TENT5D: variants seen among roughly 807,000 people sequenced by gnomAD.
The protein encoded by TENT5D is terminal nucleotidyltransferase 5D.
For synonymous variants in TENT5D, 103 were observed against 100.6 expected (o/e 1.02, Z -0.15); for missense variants, 191 against 287.0 (o/e 0.67, Z 2.42).
At chrX:80,422,620 G>T (rs1236099985) in intron 1 of TENT5D, among the ~76,000 whole-genome samples, 1 of 111,672 alleles carries the variant, frequency 9.0e-6, no homozygotes, top group Non-Finnish European at 1.9e-5. Context: ...GCAGCAGTTG[G>T]TGAGGTAAGT....
chrX:80,418,942 CT>C (rs1408431336), upstream of TENT5D, among the ~76,000 whole-genome samples: 2 of 111,473 alleles, frequency 1.8e-5, no homozygotes, highest in East Asian at 5.6e-4. Context: ...CCTCCACCCC[CT>C]ACCTAGCTAG....
intron 2 of TENT5D, among the ~76,000 whole-genome samples, chrX:80,338,241 G>A (rs1394789496): frequency 2.7e-5 from 3 of 111,614 alleles, no homozygotes; most frequent in Non-Finnish European, 5.6e-5. Context: ...GGCTACAATA[G>A]TAGAGACAAT....
intron 3 of TENT5D, among the ~76,000 whole-genome samples, chrX:80,347,639 G>T (rs946360851): frequency 2.7e-5 from 3 of 112,110 alleles, no homozygotes; most frequent in Non-Finnish European, 3.8e-5. Context: ...TCACACAGAT[G>T]ATAGTTTCTT....
chrX:80,397,726 A>C (rs1931307893), intron 3 of TENT5D, among the ~76,000 whole-genome samples: 1 of 112,843 alleles, frequency 8.9e-6, no homozygotes, highest in African/African-American at 3.2e-5. Context: ...TAGGAGCTGG[A>C]GACCATCCCA....
intron 3 of TENT5D, among the ~76,000 whole-genome samples, chrX:80,399,364 G>C (rs1403484716): frequency 8.9e-6 from 1 of 111,818 alleles, no homozygotes; most frequent in Admixed American, 9.5e-5. Context: ...TATTGGAGGG[G>C]TTGTCATTTT....
chrX:80,437,434 G>A (rs1932203024), intron 1 of TENT5D, among the ~76,000 whole-genome samples: 1 of 111,651 alleles, frequency 9.0e-6, no homozygotes, highest in South Asian at 3.7e-4. Flanking sequence ...TGAAAACAAT[G>A]CAAGACACTT....
At chrX:80,376,528 G>A (rs1299430838) in intron 3 of TENT5D, among the ~76,000 whole-genome samples, 1 of 111,179 alleles carries the variant, frequency 9.0e-6, no homozygotes, top group Non-Finnish European at 1.9e-5. Flanking sequence ...TGTGCAATAA[G>A]CATATGTGTT....
At chrX:80,371,401 CA>C (rs1445312677) in intron 3 of TENT5D, among the ~76,000 whole-genome samples, 1 of 111,709 alleles carries the variant, frequency 9.0e-6, no homozygotes, top group Non-Finnish European at 1.9e-5. Flanking sequence ...TCACCAGCTG[CA>C]TTATCCCCTA....
chrX:80,380,546 A>G (rs1208296197), intron 3 of TENT5D, among the ~76,000 whole-genome samples: 2 of 110,664 alleles, frequency 1.8e-5, no homozygotes, highest in Non-Finnish European at 3.8e-5. Flanking sequence ...TCTGTCTAAT[A>G]TTGACAGTGG....
At chrX:80,394,770 T>A (rs761634759) in intron 3 of TENT5D, among the ~76,000 whole-genome samples, 1 of 111,690 alleles carries the variant, frequency 9.0e-6, no homozygotes, top group South Asian at 3.8e-4. Context: ...GTTTGTAGGT[T>A]ACAGTGTGAG....
chrX:80,353,101 A>G (rs1032521190), intron 3 of TENT5D, among the ~76,000 whole-genome samples: 16 of 112,183 alleles, frequency 1.4e-4, no homozygotes, highest in Non-Finnish European at 2.3e-4. Context: ...GAAGCTGCAG[A>G]CTGGAGCTGT....
At chrX:80,441,915 A>G (rs1475854774) in intron 2 of TENT5D, among the ~76,000 whole-genome samples, 3 of 111,001 alleles carry the variant, frequency 2.7e-5, no homozygotes, top group Non-Finnish European at 5.7e-5. Flanking sequence ...AGAAGAGGTG[A>G]TAAATTAGGT....
intron 3 of TENT5D, among the ~76,000 whole-genome samples, chrX:80,350,696 G>A (rs1387490199): frequency 1.8e-5 from 2 of 111,536 alleles, no homozygotes; most frequent in Non-Finnish European, 3.8e-5. Flanking sequence ...TCATCATGAT[G>A]CTAGCTGATT....
At chrX:80,430,358 G>A (rs185809082) in intron 1 of TENT5D, among the ~76,000 whole-genome samples, 2 of 111,338 alleles carry the variant, frequency 1.8e-5, no homozygotes, top group African/African-American at 3.3e-5. Context: ...TACAGCCAGA[G>A]GAGCCGATGA....
At chrX:80,398,618 C>T (rs185603883) in intron 3 of TENT5D, among the ~76,000 whole-genome samples, 41 of 110,334 alleles carry the variant, frequency 3.7e-4, no homozygotes, top group Admixed American at 1.5e-3. Context: ...GTTTCATCCT[C>T]GTGTATATGG....
chrX:80,347,474 G>T (rs1256849870), intron 3 of TENT5D, among the ~76,000 whole-genome samples: 4 of 111,472 alleles, frequency 3.6e-5, no homozygotes, highest in Non-Finnish European at 5.7e-5. Context: ...TAAATGTCTT[G>T]AGAAATGTCT....
intron 2 of TENT5D, among the ~76,000 whole-genome samples, chrX:80,439,925 CAGTT>C (rs1346248617): frequency 9.1e-6 from 1 of 110,140 alleles, no homozygotes; most frequent in African/African-American, 3.3e-5. Flanking sequence ...CAGAATTTGT[CAGTT>C]AGTAATGATA....
intron 3 of TENT5D, among the ~76,000 whole-genome samples, chrX:80,384,105 G>C (rs1310276987): frequency 1.9e-5 from 2 of 106,701 alleles, no homozygotes; most frequent in Admixed American, 2.0e-4. Flanking sequence ...ACCAAAGCCT[G>C]GCAGAGACAC....
At chrX:80,381,081 A>C (rs113625445) in intron 3 of TENT5D, among the ~76,000 whole-genome samples, 1 of 111,676 alleles carries the variant, frequency 9.0e-6, no homozygotes, top group Non-Finnish European at 1.9e-5. Context: ...TGGCATGTTT[A>C]TGGAGTAGTT....
Sources: gnomAD v4.1 joint callset for allele counts (sites outside exome capture counted in the v4.1 genomes callset) on GRCh38, gnomAD v4.1.1 for gene constraint, MANE v1.5 for transcripts, NCBI Gene and HGNC (gene_info 2026-07-23, HGNC 2026-07-21) for gene names.